C4orf50: variants seen among roughly 807,000 people sequenced by gnomAD.
C4orf50 encodes the protein chromosome 4 open reading frame 50.
A neutral mutation model predicts 77.2 loss-of-function variants in C4orf50; 80 were observed. The observed-to-expected ratio is 1.04, with a 90% CI of 0.87 to 1.25. C4orf50 has a LOEUF of 1.25. C4orf50 is among the 50% of genes most tolerant of loss of function. The probability of loss-of-function intolerance (pLI) is 0.00; values close to 1 mark genes in which losing one functional copy is unlikely to be tolerated. For missense variants in C4orf50, 1,257 were observed against 1,152.9 expected, an observed-to-expected ratio of 1.09 and a Z score of -1.31; for synonymous variants, 532 against 465.3, an observed-to-expected ratio of 1.14 and a Z score of -1.84.
intron 23 of C4orf50, among the ~76,000 whole-genome samples, 193 bp from the exon 2 acceptor site, chr4:6,012,161 G>T (rs1229351829): frequency 2.0e-5 from 3 of 152,160 alleles, no homozygotes; most frequent in African/African-American, 7.2e-5. Context: ...CTTCAAAGAC[G>T]TTATTTGAAC....
At chr4:5,969,811 T>C (rs796430974) in intron 31 of C4orf50, among the ~76,000 whole-genome samples, 5 of 152,248 alleles carry the variant, frequency 3.3e-5, no homozygotes, top group African/African-American at 1.2e-4. Context: ...CAGGATGTCA[T>C]CATCTGCAGG....
chr4:5,916,047 T>G lies in C4orf50; in HGVS notation c.*2475-17859A>C, dbSNP rs956524443. Among the ~76,000 whole-genome samples the G allele has an allele frequency of 6.6e-6, 1 of 152,206 alleles. No homozygotes were observed. The highest frequency in any genetic ancestry group is 1.5e-5 in the Non-Finnish European group (1 of 68,030). On this transcript the variant is annotated intron_variant, in intron 7 of 7. Transcript: ENST00000324058. This position sits in a 1 kb window ranked among gnomAD's most constrained non-coding sequence, Gnocchi z 4.4. The stretch of plus-strand genomic sequence containing the variant: ...CAAAAATGGCACAGGAAGGCAAGGC[T>G]AGTCCTGTAACAAGGGATGGGTGTG...
chr4:5,915,998 G>A (rs751618570), intron 7 of C4orf50, among the ~76,000 whole-genome samples: 8 of 152,208 alleles, frequency 5.3e-5, no homozygotes, highest in Non-Finnish European at 7.3e-5. Flanking sequence ...GCTTGTGAAA[G>A]GAACCAAACT....
At chr4:6,005,876 C>T (rs1399166162) in intron 25 of C4orf50, among the ~76,000 whole-genome samples, 2 of 152,216 alleles carry the variant, frequency 1.3e-5, no homozygotes, top group East Asian at 3.9e-4. Flanking sequence ...AGGTGCAGTT[C>T]CCCGGGGCCA....
intron 31 of C4orf50, among the ~76,000 whole-genome samples, chr4:5,971,070 G>T (rs6446424): frequency 1.3e-5 from 2 of 152,128 alleles, no homozygotes; most frequent in African/African-American, 4.8e-5. Flanking sequence ...CCCTCCAGGG[G>T]TATTCCTGGA....
chr4:5,963,114 T>C (rs1719368810), intron 33 of C4orf50, among the ~76,000 whole-genome samples: 1 of 151,132 alleles, frequency 6.6e-6, no homozygotes, highest in Non-Finnish European at 1.5e-5. Flanking sequence ...CAATTCTGCC[T>C]CAGCCTCCCG....
chr4:5,982,644 C>T (rs1720654891), intron 28 of C4orf50, among the ~76,000 whole-genome samples: 1 of 152,190 alleles, frequency 6.6e-6, no homozygotes, highest in South Asian at 2.1e-4. Context: ...TTGCCAGTTT[C>T]CATGGCGTGA....
intron 7 of C4orf50, among the ~76,000 whole-genome samples, chr4:5,906,495 C>G (rs1577871301): frequency 6.6e-6 from 1 of 152,256 alleles, no homozygotes; most frequent in East Asian, 1.9e-4. Flanking sequence ...CAAGAAGAGC[C>G]TTCATGGATG....
At chr4:5,973,985 C>A (rs924957016) in intron 30 of C4orf50, 144 bp from the exon 9 acceptor site, 4 of 663,204 alleles carry the variant, frequency 6.0e-6, no homozygotes, top group South Asian at 2.0e-5. Context: ...CTCCTCCCTG[C>A]GAAGCCTCCC....
chr4:5,996,892 C>T (rs781244642), intron 25 of C4orf50, among the ~76,000 whole-genome samples: 19 of 152,244 alleles, frequency 1.2e-4, no homozygotes, highest in Admixed American at 3.3e-4. Context: ...ATTCAGCTGC[C>T]TCTTGTCTTT....
intron 25 of C4orf50, among the ~76,000 whole-genome samples, chr4:6,003,688 G>C (rs528817604): frequency 1.3e-3 from 197 of 150,170 alleles, no homozygotes; most frequent in Admixed American, 3.1e-3. Context: ...TAGTGATGAT[G>C]GTGATGATAG....
At chr4:6,010,214 A>C (rs749129222) in intron 24 of C4orf50, among the ~76,000 whole-genome samples, 1 of 152,310 alleles carries the variant, frequency 6.6e-6, no homozygotes, top group South Asian at 2.1e-4. Flanking sequence ...GTCCCACTCA[A>C]CGCCGCTCTA....
intron 7 of C4orf50, among the ~76,000 whole-genome samples, chr4:5,922,695 T>G (rs912943827): frequency 6.6e-6 from 1 of 152,212 alleles, no homozygotes; most frequent in African/African-American, 2.4e-5. Context: ...CTCCAGCTCC[T>G]GCATCCATGG....
Position 5,980,168 on chromosome 4 carries a change from C to G in C4orf50, c.3864+6G>C. On this transcript the variant is annotated splice_donor_region_variant and intron_variant, in intron 29 of 33. Transcript: ENST00000531445. ...GACAAGAGGGGAAAGAAAGCACTTC[C>G]CACACCTTGGCCTGGAGCTCCTCCT... is the stretch of plus-strand genomic sequence containing the variant. 1 of 1,584,794 alleles carries G rather than the reference C, an allele frequency of 6.3e-7. No homozygotes were observed. Among genetic ancestry groups the G allele is most frequent in the Non-Finnish European group, 8.6e-7 (1 of 1,166,814 alleles).
At chr4:5,934,331 C>A (rs1717912612) in intron 7 of C4orf50, among the ~76,000 whole-genome samples, 1 of 152,184 alleles carries the variant, frequency 6.6e-6, no homozygotes, top group South Asian at 2.1e-4. Context: ...GACAGCATTG[C>A]CTGCAGATTC....
exon 8 of C4orf50, chr4:5,897,728 C>T (rs1047315239): frequency 3.3e-5 from 5 of 152,162 alleles, no homozygotes; most frequent in Non-Finnish European, 5.9e-5. Flanking sequence ...ACAAATGGAG[C>T]GATCATTACA....
At chr4:5,954,142 G>A (rs74912187), downstream of C4orf50, among the ~76,000 whole-genome samples, 284 of 152,320 alleles carry the variant, frequency 1.9e-3, 10 homozygotes, top group East Asian at 0.037. The surrounding 1 kb of genome is among the most constrained non-coding windows in gnomAD (Gnocchi z 4.7). Flanking sequence ...GCACACAGTA[G>A]GCCCACAGCA....
rs1716637517 is a variant in C4orf50, at chr4:5,908,124, C to A, written c.*2475-9936G>T. Among the ~76,000 whole-genome samples, 3 of 152,120 alleles carry A rather than the reference C, an allele frequency of 2.0e-5. No individual in the cohort carries two copies. In the South Asian group the frequency reaches 6.2e-4, roughly 31 times the overall value. ...TTTTAAGTACCTACTATATGCCAGGCACTGTGTTCAAGGCTATGGAGAATG... is the reference window on the plus strand; with the variant it reads ...TTTTAAGTACCTACTATATGCCAGGAACTGTGTTCAAGGCTATGGAGAATG... On this transcript the variant is annotated intron_variant, in intron 7 of 7. Transcript: ENST00000324058. The surrounding 1 kb of genome is among the most constrained non-coding windows in gnomAD (Gnocchi z 5.6).
chr4:5,976,036 G>T, intron 29 of C4orf50, 81 bp from the exon 8 acceptor site: 1 of 1,200,770 alleles, frequency 8.3e-7, no homozygotes, highest in South Asian at 1.2e-5. Flanking sequence ...GCTGGGCTCA[G>T]AACAGCTGGC....
Sources: allele counts gnomAD v4.1 joint callset (sites outside exome capture counted in the v4.1 genomes callset), GRCh38; gene constraint gnomAD v4.1.1; non-coding constraint Gnocchi (gnomAD v3.1); transcripts MANE v1.5; gene names NCBI Gene and HGNC (gene_info 2026-07-23, HGNC 2026-07-21).